The following TAMM41 variants were observed in gnomAD, a reference collection of about 807,000 sequenced individuals.
TAMM41 encodes the protein TAM41 mitochondrial translocator assembly and maintenance homolog, also known as phosphatidate cytidylyltransferase, mitochondrial.
A neutral mutation model predicts 44.1 loss-of-function variants in TAMM41; 36 were observed. That is an observed-to-expected ratio of 0.82 (90% CI 0.63 to 1.08). The LOEUF (loss-of-function observed/expected upper bound fraction) is 1.08, where lower values mean the gene tolerates loss of function less well. TAMM41 is among the 50% of genes least tolerant of loss of function. The pLI, the probability that TAMM41 is intolerant of heterozygous loss-of-function variation, is 0.00. For synonymous variants in TAMM41, 164 were observed against 153.1 expected (o/e 1.07, Z -0.53); for missense variants, 417 against 404.3 (o/e 1.03, Z -0.27).
chr3:11,828,504 TA>T (rs916878331), intron 4 of TAMM41, among the ~76,000 whole-genome samples: 1 of 152,208 alleles, frequency 6.6e-6, no homozygotes, highest in African/African-American at 2.4e-5. Flanking sequence ...TCAGCTTTCA[TA>T]AAAGGCTTCC....
At position 11,817,262 on chromosome 3, in the gene TAMM41, C is replaced by T. The variant is rs760435126; in HGVS notation, c.638G>A (p.Arg213Gln). 14 of 1,613,476 alleles carry T rather than the reference C, an allele frequency of 8.7e-6. No homozygotes were observed. In the Admixed American group the frequency reaches 1.2e-4, roughly 13 times the overall value. The change falls in exon 5 of 8, where the codon CGA becomes CAA. Residue 213 changes from arginine to glutamine, a missense_variant. Transcript: ENST00000455809. ...CTGTAGTATGCTGCCATAGAGCTCT[C>T]GAAAGTGGGCTATATTGGGCTTCAC... ...NIVKPNIAHF[R>Q]ELYGSILQEN...
the TAMM41 span, among the ~76,000 whole-genome samples, chr3:11,744,161 G>C: frequency 1.3e-5 from 2 of 151,810 alleles, no homozygotes; most frequent in Admixed American, 6.6e-5. Flanking sequence ...TCCGCCTCCT[G>C]GGTTCAAGTG....
the TAMM41 span, among the ~76,000 whole-genome samples, chr3:11,783,115 A>C: frequency 2.0e-5 from 3 of 152,190 alleles, no homozygotes; most frequent in South Asian, 2.1e-4. Context: ...CAGAGTATAA[A>C]AGAATCTCAC....
chr3:11,788,096 G>A (rs2077427525), downstream of TAMM41, among the ~76,000 whole-genome samples: 1 of 152,194 alleles, frequency 6.6e-6, no homozygotes. Flanking sequence ...ACTCACATAT[G>A]TTGGGACCCC....
intron 5 of TAMM41, among the ~76,000 whole-genome samples, chr3:11,814,501 CGAGA>C (rs143168450): frequency 1.0e-4 from 15 of 145,576 alleles, no homozygotes; most frequent in Admixed American, 3.4e-4. Flanking sequence ...AACGAAGAGA[CGAGA>C]GAGAGAGAGA....
intron 5 of TAMM41, among the ~76,000 whole-genome samples, chr3:11,814,883 G>T (rs1218504753): frequency 2.0e-5 from 3 of 152,168 alleles, no homozygotes; most frequent in African/African-American, 7.2e-5. Context: ...AGAGTCACTT[G>T]AGCTTGGGAG....
At chr3:11,823,683 CAG>C (rs1236656299) in intron 4 of TAMM41, among the ~76,000 whole-genome samples, 2 of 122,924 alleles carry the variant, frequency 1.6e-5, no homozygotes, top group South Asian at 2.7e-4. Flanking sequence ...TTTTTTTAGA[CAG>C]AGTCTCACTC....
At chr3:11,798,511 G>A (rs1181950355) in intron 7 of TAMM41, among the ~76,000 whole-genome samples, 1 of 152,172 alleles carries the variant, frequency 6.6e-6, no homozygotes, top group East Asian at 1.9e-4. Flanking sequence ...GGTGAAGGAT[G>A]GGAGGGGTGA....
chr3:11,729,919 A>G, the TAMM41 span, among the ~76,000 whole-genome samples: 33 of 152,112 alleles, frequency 2.2e-4, no homozygotes, highest in Non-Finnish European at 3.4e-4. Context: ...TCCTATGAAG[A>G]AGATTGTCCC....
At chr3:11,779,403 G>C in the TAMM41 span, among the ~76,000 whole-genome samples, 1 of 152,202 alleles carries the variant, frequency 6.6e-6, no homozygotes, top group Non-Finnish European at 1.5e-5. Flanking sequence ...TCACTCCAGT[G>C]AGAATGGTAA....
the TAMM41 span, among the ~76,000 whole-genome samples, chr3:11,729,538 CATT>C: frequency 6.1e-5 from 4 of 65,540 alleles, no homozygotes; most frequent in African/African-American, 2.1e-4. Context: ...TTCTTTCTTT[CATT>C]TTTTTTTTTT....
chr3:11,734,051 A>G, the TAMM41 span, among the ~76,000 whole-genome samples: 1 of 152,150 alleles, frequency 6.6e-6, no homozygotes, highest in Non-Finnish European at 1.5e-5. Context: ...CATTGGTGAG[A>G]ACCAGTCACA....
the TAMM41 span, among the ~76,000 whole-genome samples, chr3:11,729,539 A>ATTTTTTTTTTTTTTTTTTTTTTTTTT: frequency 6.2e-5 from 2 of 32,272 alleles, 1 homozygote; most frequent in African/African-American, 1.9e-4. Flanking sequence ...TCTTTCTTTC[A>ATTTTTTTTTTTTTTTTTTTTTTTTTT]TTTTTTTTTT....
the TAMM41 span, among the ~76,000 whole-genome samples, chr3:11,748,768 G>A: frequency 3.3e-5 from 5 of 152,144 alleles, no homozygotes; most frequent in African/African-American, 7.2e-5. Flanking sequence ...CTTTCTGTAG[G>A]CGCTATCAGA....
the TAMM41 span, among the ~76,000 whole-genome samples, chr3:11,781,767 AATAATAATAATAATC>A: frequency 0.24 from 19,521 of 82,708 alleles, 1,624 homozygotes; most frequent in East Asian, 0.48. Context: ...TAATAATAAT[AATAATAATAATAATC>A]ATACAAATAA....
Position 11,805,010 on chromosome 3 carries a change from T to TG in TAMM41, c.937+2822_937+2823insC, listed in dbSNP as rs1450053039. On this transcript the variant is annotated intron_variant, in intron 7 of 7. Transcript: ENST00000455809. ...CACGCCCAGCCCTTTTTTTTTTTTT[T>TG]TTTTTTTTTTTTTTGAGACGAAGTC... Among the ~76,000 whole-genome samples the TG allele has an allele frequency of 9.3e-3, 1,286 of 138,588 alleles. 23 individuals are homozygous for TG. Among genetic ancestry groups the TG allele is most frequent in the African/African-American group, 0.033 (1,214 of 36,840 alleles). The allele number at this position is 138,588 out of a possible 152,430, so 90.9% of individuals were successfully genotyped here.
chr3:11,770,863 T>C, the TAMM41 span, among the ~76,000 whole-genome samples: 43 of 152,266 alleles, frequency 2.8e-4, no homozygotes, highest in Admixed American at 2.2e-3. Flanking sequence ...TTTGTGTAGC[T>C]CCTGTCTCCC....
chr3:11,841,294 G>A (rs890619844), intron 2 of TAMM41, among the ~76,000 whole-genome samples: 6 of 151,962 alleles, frequency 3.9e-5, no homozygotes, highest in Admixed American at 6.6e-5. Flanking sequence ...TGTTGCCCAG[G>A]CTGGTCTTGA....
intron 3 of TAMM41, among the ~76,000 whole-genome samples, chr3:11,836,982 G>A (rs2079205650): frequency 6.6e-6 from 1 of 152,186 alleles, no homozygotes; most frequent in Non-Finnish European, 1.5e-5. Context: ...TTACAGTGAA[G>A]TGCACACATC....
Sources: gnomAD v4.1 joint callset for allele counts (sites outside exome capture counted in the v4.1 genomes callset) on GRCh38, gnomAD v4.1.1 for gene constraint, MANE v1.5 for transcripts, NCBI Gene and HGNC (gene_info 2026-07-23, HGNC 2026-07-21) for gene names.